ANXA4: variants seen among roughly 807,000 people sequenced by gnomAD.
ANXA4 encodes annexin A4.
Under a neutral mutation model 49.8 loss-of-function variants are expected in ANXA4, and 39 were observed. That is an observed-to-expected ratio of 0.78 (90% CI 0.61 to 1.02). The LOEUF is 1.02. Ranked by LOEUF, ANXA4 falls within the 50% of genes least tolerant of loss-of-function variation. ANXA4 has a pLI of 0.00. For synonymous variants in ANXA4, 134 were observed against 152.5 expected, an observed-to-expected ratio of 0.88 and a Z score of 0.89; for missense variants, 360 against 410.1, an observed-to-expected ratio of 0.88 and a Z score of 1.05.
At chr2:69,806,068 G>A (rs1245968943) in intron 4 of ANXA4, among the ~76,000 whole-genome samples, 1 of 152,160 alleles carries the variant, frequency 6.6e-6, no homozygotes. Flanking sequence ...AATTTGTTAT[G>A]ATATGTGGTT....
chr2:69,787,014 CA>C (rs913584689), intron 2 of ANXA4, among the ~76,000 whole-genome samples: 2 of 152,194 alleles, frequency 1.3e-5, no homozygotes, highest in Non-Finnish European at 2.9e-5. Context: ...GGTGAGCCAC[CA>C]CATCCGGCCT....
chr2:69,781,661 G>A (rs1371107596), intron 2 of ANXA4, 87 bp downstream of exon 2: 2 of 1,482,468 alleles, frequency 1.3e-6, no homozygotes, highest in Non-Finnish European at 1.9e-6. Context: ...CTTAAACAAA[G>A]CATTGTTTAC....
intron 3 of ANXA4, among the ~76,000 whole-genome samples, chr2:69,789,054 C>T (rs893810743): frequency 6.6e-6 from 1 of 152,082 alleles, no homozygotes; most frequent in East Asian, 1.9e-4. Context: ...CTTTGAATTA[C>T]GACATCATGA....
intron 6 of ANXA4, chr2:69,809,958 G>C (rs1417322571): frequency 6.6e-6 from 1 of 152,450 alleles, no homozygotes; most frequent in Non-Finnish European, 1.5e-5. Context: ...CACAGCTGTG[G>C]TTCCCTCTGT....
intron 2 of ANXA4, among the ~76,000 whole-genome samples, chr2:69,718,070 C>A (rs188414237): frequency 3.8e-4 from 58 of 152,198 alleles, no homozygotes; most frequent in African/African-American, 1.2e-3. Context: ...TTGGAAAGTC[C>A]CCTGGCTACT....
intron 3 of ANXA4, among the ~76,000 whole-genome samples, chr2:69,736,902 A>T (rs538815138): frequency 3.9e-5 from 6 of 152,300 alleles, no homozygotes; most frequent in African/African-American, 1.4e-4. Flanking sequence ...CCCAGGTTCA[A>T]GTGATTCTCA....
intron 2 of ANXA4, among the ~76,000 whole-genome samples, chr2:69,670,999 A>G (rs1216763762): frequency 7.1e-6 from 1 of 140,222 alleles, no homozygotes; most frequent in Non-Finnish European, 1.5e-5. Context: ...GCACTCCAGC[A>G]TGGGTGACAG....
chr2:69,763,964 GT>G (rs1335413442), intron 1 of ANXA4, among the ~76,000 whole-genome samples: 4 of 152,020 alleles, frequency 2.6e-5, no homozygotes, highest in Non-Finnish European at 4.4e-5. Context: ...CCTGACCTTA[GT>G]TTTTTTCTGA....
At chr2:69,731,741 G>T (rs942556803) in intron 3 of ANXA4, among the ~76,000 whole-genome samples, 21 of 152,170 alleles carry the variant, frequency 1.4e-4, no homozygotes, top group Non-Finnish European at 2.1e-4. Context: ...TTCCTTGGAA[G>T]CAATGATCTG....
intron 2 of ANXA4, among the ~76,000 whole-genome samples, chr2:69,704,946 T>C (rs191446976): frequency 1.2e-4 from 18 of 152,222 alleles, no homozygotes; most frequent in Admixed American, 9.8e-4. Context: ...TTAAATTATT[T>C]TCTTACTTAA....
intron 3 of ANXA4, among the ~76,000 whole-genome samples, chr2:69,790,256 A>G (rs1247331734): frequency 6.6e-6 from 1 of 152,118 alleles, no homozygotes; most frequent in Non-Finnish European, 1.5e-5. Flanking sequence ...CAGGAATGAA[A>G]TCCATAACTG....
chr2:69,646,415 TTAGCA>T (rs1676011212), intron 1 of ANXA4, among the ~76,000 whole-genome samples: 1 of 152,208 alleles, frequency 6.6e-6, no homozygotes, highest in Non-Finnish European at 1.5e-5. Flanking sequence ...GAGTGTGTTC[TTAGCA>T]GTACTTAAAG....
chr2:69,747,035 TC>T (rs1670641629), intron 1 of ANXA4, among the ~76,000 whole-genome samples: 1 of 151,806 alleles, frequency 6.6e-6, no homozygotes, highest in South Asian at 2.1e-4. Context: ...TTCCTCCTCC[TC>T]CCCACGAAAT....
In ANXA4 at chr2:69,778,766, ACT is replaced by A. The variant is rs1308910245; in HGVS notation, c.-46-2751_-46-2750del. Among the ~76,000 whole-genome samples, 133 of 120,058 alleles carry A rather than the reference ACT, an allele frequency of 1.1e-3. 1 individual carries two copies. The highest frequency in any genetic ancestry group is 4.0e-3 in the African/African-American group (118 of 29,782). The allele number at this position is 120,058 out of a possible 152,430, so 78.8% of individuals were successfully genotyped here. The stretch of plus-strand genomic sequence containing the variant: ...CTCCAGCCTGGGCAACGAGAGTGAA[ACT>A]CTGTCTCAAAAAAAAAAAAAAAAAA... On this transcript the variant is annotated intron_variant, in intron 1 of 12. Transcript: ENST00000394295.
chr2:69,805,046 CAAAAAA>C (rs60172949), intron 4 of ANXA4, among the ~76,000 whole-genome samples: 565 of 35,824 alleles, frequency 0.016, 7 homozygotes, highest in African/African-American at 0.042. Flanking sequence ...GACTCCATCT[CAAAAAA>C]AAAAAAAAAA....
intron 10 of ANXA4, among the ~76,000 whole-genome samples, 184 bp downstream of exon 10, chr2:69,818,878 T>G (rs1018396129): frequency 6.6e-6 from 1 of 152,246 alleles, no homozygotes; most frequent in African/African-American, 2.4e-5. Context: ...TTGTGCCATG[T>G]GGTTTATATA....
At chr2:69,685,403 T>C (rs1326252099) in intron 2 of ANXA4, among the ~76,000 whole-genome samples, 2 of 152,184 alleles carry the variant, frequency 1.3e-5, no homozygotes, top group Non-Finnish European at 2.9e-5. Flanking sequence ...ATAAACTGAA[T>C]TGTGGCACAC....
At chr2:69,682,342 G>A (rs562536786) in intron 2 of ANXA4, among the ~76,000 whole-genome samples, 16 of 151,880 alleles carry the variant, frequency 1.1e-4, no homozygotes, top group Admixed American at 1.0e-3. Flanking sequence ...TTTTCTTTAA[G>A]ATATTTTACG....
intron 2 of ANXA4, among the ~76,000 whole-genome samples, chr2:69,664,341 G>T (rs1231553528): frequency 6.6e-6 from 1 of 152,132 alleles, no homozygotes; most frequent in African/African-American, 2.4e-5. Flanking sequence ...AAGCTTTTGT[G>T]TGTGTGTTTT....
Sources: allele counts gnomAD v4.1 joint callset (sites outside exome capture counted in the v4.1 genomes callset), GRCh38; gene constraint gnomAD v4.1.1; transcripts MANE v1.5; gene names NCBI Gene and HGNC (gene_info 2026-07-23, HGNC 2026-07-21).